The following SULT1E1 variants were observed in gnomAD, a reference collection of about 807,000 sequenced individuals.
SULT1E1 encodes the protein sulfotransferase 1E1.
SULT1E1 carries 36 observed loss-of-function variants against 33.6 expected under a neutral mutation model. That is an observed-to-expected ratio of 1.07 (90% CI 0.82 to 1.41). The LOEUF is 1.41. SULT1E1 is among the 40% of genes most tolerant of loss of function. The pLI, the probability that SULT1E1 is intolerant of heterozygous loss-of-function variation, is 0.00. For missense variants in SULT1E1, 371 were observed against 345.7 expected (o/e 1.07, Z -0.58); for synonymous variants, 121 against 111.7 (o/e 1.08, Z -0.53).
the SULT1E1 span, among the ~76,000 whole-genome samples, chr4:69,835,026 C>T: frequency 7.9e-5 from 12 of 152,150 alleles, no homozygotes; most frequent in Non-Finnish European, 1.2e-4. Context: ...AGTTTCTTTA[C>T]TATCAGGCAT....
the SULT1E1 span, among the ~76,000 whole-genome samples, chr4:69,831,784 G>C: frequency 6.6e-6 from 1 of 152,056 alleles, no homozygotes; most frequent in Non-Finnish European, 1.5e-5. Context: ...CTGCAGCCAG[G>C]GGGCAGCTCC....
At chr4:69,837,765 A>G (rs1720817470), downstream of SULT1E1, among the ~76,000 whole-genome samples, 1 of 152,164 alleles carries the variant, frequency 6.6e-6, no homozygotes, top group South Asian at 2.1e-4. Context: ...TCCTAGGTTC[A>G]AGCAGACCTC....
downstream of SULT1E1, among the ~76,000 whole-genome samples, chr4:69,836,919 C>T (rs989350313): frequency 3.9e-5 from 6 of 151,956 alleles, no homozygotes; most frequent in African/African-American, 7.3e-5. Flanking sequence ...TGTAAAATAA[C>T]AAGTAGGTCA....
At chr4:69,840,396 T>A (rs1293483394), downstream of SULT1E1, among the ~76,000 whole-genome samples, 1 of 152,118 alleles carries the variant, frequency 6.6e-6, no homozygotes, top group Non-Finnish European at 1.5e-5. Context: ...TGATCTTGTG[T>A]CTCCTCTGTG....
the SULT1E1 span, among the ~76,000 whole-genome samples, chr4:69,822,321 A>G: frequency 6.6e-6 from 1 of 152,186 alleles, no homozygotes; most frequent in Non-Finnish European, 1.5e-5. Context: ...GGAATAATAA[A>G]TAAAGGAGAC....
chr4:69,850,531 C>T (rs1276031480), intron 4 of SULT1E1, among the ~76,000 whole-genome samples: 2 of 152,072 alleles, frequency 1.3e-5, no homozygotes, highest in Admixed American at 6.6e-5. Flanking sequence ...TTGTAAAAGC[C>T]TCTAAAAACT....
chr4:69,850,898 T>C (rs1721086925), intron 4 of SULT1E1, among the ~76,000 whole-genome samples: 2 of 152,148 alleles, frequency 1.3e-5, no homozygotes, highest in Admixed American at 6.6e-5. Flanking sequence ...CCCAAACTTT[T>C]TACTGTACAT....
Position 69,844,295 on chromosome 4 carries a change from T to C in SULT1E1, c.638A>G (p.Lys213Arg), listed in dbSNP as rs772895034. 1.9e-6 allele frequency: 3 copies of C among 1,613,672 alleles called. No homozygotes were observed. In the East Asian group the frequency reaches 6.7e-5, roughly 36 times the overall value. Residue 213 changes from lysine to arginine, a missense_variant, in exon 7 of 8, where the codon AAG becomes AGG. Lys to Arg is a conservative substitution (Grantham distance 26, BLOSUM62 2). Transcript: ENST00000226444. ...VIKLIHFLER[K>R]PSEELVDRII... is the part of the protein sequence containing the mutation. ...CCTGTCCACAAGCTCCTCTGATGGC[T>C]TCCTTTCCAGGAAATGTATCAATTT... is the stretch of plus-strand genomic sequence containing the variant.
chr4:69,832,897 T>G, the SULT1E1 span, among the ~76,000 whole-genome samples: 4 of 152,266 alleles, frequency 2.6e-5, no homozygotes, highest in East Asian at 7.7e-4. Flanking sequence ...AAAGGAGAGA[T>G]AGGAGAACTT....
chr4:69,833,238 G>A, the SULT1E1 span, among the ~76,000 whole-genome samples: 1 of 152,086 alleles, frequency 6.6e-6, no homozygotes, highest in Non-Finnish European at 1.5e-5. Flanking sequence ...TTGTTGATAT[G>A]AGGATTAAAA....
At chr4:69,854,479 C>T (rs1560557566) in intron 3 of SULT1E1, among the ~76,000 whole-genome samples, 165 bp from the exon 4 acceptor site, 1 of 151,966 alleles carries the variant, frequency 6.6e-6, no homozygotes, top group South Asian at 2.1e-4. Context: ...ACCCCATTTT[C>T]CATGGTGTAA....
At chr4:69,854,399 G>T in intron 3 of SULT1E1, 85 bp from the exon 4 acceptor site, 1 of 805,920 alleles carries the variant, frequency 1.2e-6, no homozygotes, top group Non-Finnish European at 1.9e-6. Flanking sequence ...TAAAATAGAA[G>T]TAATTCTAAG....
chr4:69,857,475 A>G (rs34709066), intron 2 of SULT1E1, 25 bp downstream of exon 2: 7 of 1,580,100 alleles, frequency 4.4e-6, no homozygotes, highest in Non-Finnish European at 6.0e-6. Context: ...TTTTTAGGTG[A>G]AAAAAGAACA....
chr4:69,828,113 T>C, the SULT1E1 span, among the ~76,000 whole-genome samples: 8 of 152,260 alleles, frequency 5.3e-5, no homozygotes, highest in South Asian at 2.1e-4. Context: ...CATTTAACCA[T>C]TGATGGTCAG....
chr4:69,840,349 A>G (rs1056680501), downstream of SULT1E1, among the ~76,000 whole-genome samples: 1 of 152,162 alleles, frequency 6.6e-6, no homozygotes, highest in Non-Finnish European at 1.5e-5. Context: ...TGTAGTCTAG[A>G]TAAGCATTCT....
intron 2 of SULT1E1, among the ~76,000 whole-genome samples, chr4:69,855,759 T>G (rs773872844): frequency 7.2e-5 from 11 of 152,162 alleles, no homozygotes; most frequent in Non-Finnish European, 1.5e-4. Context: ...ATAAGCATGC[T>G]TCCAATCAAA....
Position 69,841,899 on chromosome 4 carries a change from G to T in SULT1E1, c.*95C>A. 4.6e-6 allele frequency: 3 copies of T among 657,144 alleles called. No individual in the cohort carries two copies. Among genetic ancestry groups the T allele is most frequent in the African/African-American group, 1.9e-5 (1 of 52,074 alleles). The allele number at this position is 657,144 out of a possible 1,614,324, so 40.7% of individuals were successfully genotyped here. A position where few individuals can be genotyped will look rare whatever the true frequency, so the allele number is the denominator to read the frequency against. On this transcript the variant is annotated 3_prime_UTR_variant, in exon 8 of 8. Coordinates refer to ENST00000226444, the MANE Select transcript of SULT1E1 (RefSeq NM_005420.3). ...AAAAGAAAATGTCAACATAATCCAT[G>T]ATTATGTCTTTTCTAGCAATCTAAA...
the SULT1E1 span, among the ~76,000 whole-genome samples, chr4:69,826,286 G>A: frequency 1.8e-3 from 268 of 152,196 alleles, 1 homozygote; most frequent in Middle Eastern, 0.014. Flanking sequence ...ACTCTAACAG[G>A]TTTTCGAGAA....
chr4:69,857,532 T>C lies in SULT1E1; in HGVS notation c.113A>G (p.Asp38Gly). The C allele has an allele frequency of 6.2e-7, 1 of 1,610,646 alleles. No individual in the cohort carries two copies. The highest frequency in any genetic ancestry group is 8.5e-7 in the Non-Finnish European group (1 of 1,179,108). The part of the protein sequence containing the change: ...DNVEAFQARP[D>G]DLVIATYPKS... ...AGGGTAGGTGGCAATGACAAGATCA[T>C]CTGGTCTTGCCTGGAACGCTTCCAC... is the stretch of plus-strand genomic sequence containing the variant. Residue 38 changes from aspartate (D) to glycine (G), a missense_variant, in exon 2 of 8, where the codon GAT becomes GGT. Physicochemically the swap from Asp to Gly is moderately conservative, Grantham distance 94. Coordinates refer to ENST00000226444, the MANE Select transcript of SULT1E1 (RefSeq NM_005420.3).
Sources: gnomAD v4.1 joint callset for allele counts (sites outside exome capture counted in the v4.1 genomes callset) on GRCh38, gnomAD v4.1.1 for gene constraint, MANE v1.5 for transcripts, NCBI Gene and HGNC (gene_info 2026-07-23, HGNC 2026-07-21) for gene names.